OLFM3: variants seen among roughly 807,000 people sequenced by gnomAD.
OLFM3 encodes olfactomedin 3, also known as noelin-3.
Under a neutral mutation model 48.6 loss-of-function variants are expected in OLFM3, and 20 were observed. The observed-to-expected ratio is 0.41, with a 90% CI of 0.29 to 0.60. The LOEUF (loss-of-function observed/expected upper bound fraction) is 0.60. Among genes scored for constraint, OLFM3 ranks in the 20% least tolerant of loss-of-function variants. OLFM3 has a pLI of 0.28. For synonymous variants in OLFM3, 222 were observed against 198.1 expected (o/e 1.12, Z -1.01); for missense variants, 437 against 544.3 (o/e 0.80, Z 1.96).
intron 3 of OLFM3, among the ~76,000 whole-genome samples, chr1:101,826,581 T>A (rs1419710501): frequency 6.6e-6 from 1 of 152,186 alleles, no homozygotes; most frequent in African/African-American, 2.4e-5. Context: ...GAGTTTCTTG[T>A]GGGGAAATTT....
At chr1:101,950,516 G>A (rs1315698046) in intron 1 of OLFM3, among the ~76,000 whole-genome samples, 6 of 150,298 alleles carry the variant, frequency 4.0e-5, no homozygotes, top group Non-Finnish European at 8.9e-5. Context: ...TCGGCTCACT[G>A]CAAGCTCCGC....
intron 1 of OLFM3, among the ~76,000 whole-genome samples, chr1:101,933,779 T>C (rs951088514): frequency 2.0e-5 from 3 of 151,768 alleles, no homozygotes; most frequent in African/African-American, 7.3e-5. Context: ...ACAGAAACCC[T>C]ACAAGCAAGA....
At chr1:101,963,381 G>A (rs1660520044) in intron 1 of OLFM3, among the ~76,000 whole-genome samples, 1 of 152,194 alleles carries the variant, frequency 6.6e-6, no homozygotes, top group South Asian at 2.1e-4. Flanking sequence ...AACTTTGACT[G>A]GGTCCAGTAT....
chr1:101,979,865 A>T (rs1661057838), intron 1 of OLFM3, among the ~76,000 whole-genome samples: 2 of 152,234 alleles, frequency 1.3e-5, no homozygotes, highest in Admixed American at 1.3e-4. Flanking sequence ...CCAGCCCATG[A>T]AAGCAGCTGG....
At chr1:101,859,939 T>C (rs1403552256) in intron 1 of OLFM3, 1 of 152,058 alleles carries the variant, frequency 6.6e-6, no homozygotes, top group Non-Finnish European at 1.5e-5. Flanking sequence ...GGATACAGTC[T>C]GAGATTTTAT....
chr1:101,912,339 C>T (rs1658787990), intron 1 of OLFM3, among the ~76,000 whole-genome samples: 4 of 152,140 alleles, frequency 2.6e-5, no homozygotes, highest in Admixed American at 2.0e-4. Context: ...ATAAATACTC[C>T]CCTTTTAATC....
intron 1 of OLFM3, among the ~76,000 whole-genome samples, chr1:101,964,596 CTTTATT>C (rs931867403): frequency 1.2e-4 from 18 of 152,034 alleles, no homozygotes; most frequent in African/African-American, 4.1e-4. Context: ...ACTTTCTAAA[CTTTATT>C]TTTAGGGAAA....
chr1:101,809,656 C>T (rs1484925645), intron 4 of OLFM3, among the ~76,000 whole-genome samples: 4 of 151,834 alleles, frequency 2.6e-5, no homozygotes, highest in African/African-American at 7.2e-5. Context: ...AATGGAAACA[C>T]AGTTCCAAGA....
At chr1:101,891,167 A>T (rs763570577) in intron 1 of OLFM3, among the ~76,000 whole-genome samples, 85 of 152,094 alleles carry the variant, frequency 5.6e-4, no homozygotes, top group Non-Finnish European at 1.0e-3. Flanking sequence ...TATTTCTTCC[A>T]CTCAGGTCTC....
At chr1:101,898,756 T>G (rs997274928) in intron 1 of OLFM3, among the ~76,000 whole-genome samples, 1 of 151,960 alleles carries the variant, frequency 6.6e-6, no homozygotes, top group Non-Finnish European at 1.5e-5. Flanking sequence ...GGCTGAGGCA[T>G]GAGAATCACT....
At chr1:101,975,767 T>G (rs963995865) in intron 1 of OLFM3, among the ~76,000 whole-genome samples, 4 of 152,136 alleles carry the variant, frequency 2.6e-5, no homozygotes, top group African/African-American at 9.7e-5. Context: ...GGTAGCAGAA[T>G]GTTAGCCCAT....
intron 1 of OLFM3, among the ~76,000 whole-genome samples, chr1:101,954,412 T>C (rs1027755449): frequency 1.3e-5 from 2 of 152,220 alleles, no homozygotes; most frequent in African/African-American, 4.8e-5. Flanking sequence ...TGGATATATA[T>C]GACTATTGTG....
At position 101,806,000 on chromosome 1, in the gene OLFM3, A is replaced by G. The variant is rs191093690; in HGVS notation, c.699+76T>C. Reference sequence around the variant, plus strand: ...CAAGTACAAACAAATATCCCTGAAGAAAATGAATAGTCCAGAAGAGAAAAA... The same window carrying G: ...CAAGTACAAACAAATATCCCTGAAGGAAATGAATAGTCCAGAAGAGAAAAA... On this transcript the variant is annotated intron_variant, in intron 5 of 5. Transcript: ENST00000370103. The G allele has an allele frequency of 8.0e-4, 851 of 1,061,894 alleles. 2 individuals are homozygous for G. The highest frequency in any genetic ancestry group is 1.0e-3 in the Non-Finnish European group (717 of 714,556). The allele number at this position is 1,061,894 out of a possible 1,614,324, so 65.8% of individuals were successfully genotyped here. A position where few individuals can be genotyped will look rare whatever the true frequency, so the allele number is the denominator to read the frequency against.
At chr1:101,808,155 G>A (rs1653870645) in intron 4 of OLFM3, among the ~76,000 whole-genome samples, 1 of 151,378 alleles carries the variant, frequency 6.6e-6, no homozygotes, top group Non-Finnish European at 1.5e-5. Context: ...TTTTTTCTAA[G>A]CATGGAAAAG....
At chr1:101,974,894 A>AT (rs1660908674) in intron 1 of OLFM3, among the ~76,000 whole-genome samples, 3 of 152,110 alleles carry the variant, frequency 2.0e-5, no homozygotes, top group African/African-American at 2.4e-5. Context: ...AATGTGAAAC[A>AT]TTTTTTTTGT....
intron 1 of OLFM3, among the ~76,000 whole-genome samples, chr1:101,857,165 T>G (rs1656456345): frequency 1.3e-5 from 2 of 152,132 alleles, no homozygotes; most frequent in Admixed American, 1.3e-4. Flanking sequence ...CTTTACATTT[T>G]CATCTCTCTT....
intron 1 of OLFM3, among the ~76,000 whole-genome samples, chr1:101,915,837 A>G (rs1658907655): frequency 6.6e-6 from 1 of 152,114 alleles, no homozygotes; most frequent in Non-Finnish European, 1.5e-5. Flanking sequence ...CCCATTGTTG[A>G]ATTAATGCCA....
At chr1:101,976,570 T>C (rs1557754191) in intron 1 of OLFM3, among the ~76,000 whole-genome samples, 1 of 152,214 alleles carries the variant, frequency 6.6e-6, no homozygotes, top group East Asian at 1.9e-4. Context: ...CGACAGAAAC[T>C]ATTATGTCAT....
At chr1:101,846,496 G>T (rs1655999250) in intron 1 of OLFM3, among the ~76,000 whole-genome samples, 1 of 151,756 alleles carries the variant, frequency 6.6e-6, no homozygotes, top group Non-Finnish European at 1.5e-5. Flanking sequence ...AAATTATGAA[G>T]ATTTTTACAG....
Sources: gnomAD v4.1 joint callset for allele counts (sites outside exome capture counted in the v4.1 genomes callset) on GRCh38, gnomAD v4.1.1 for gene constraint, MANE v1.5 for transcripts, NCBI Gene and HGNC (gene_info 2026-07-23, HGNC 2026-07-21) for gene names.